SART1: variants seen among roughly 807,000 people sequenced by gnomAD.
The protein encoded by SART1 is U4/U6.U5 tri-snRNP-associated protein 1.
A neutral mutation model predicts 105.0 loss-of-function variants in SART1; 28 were observed. The ratio of observed to expected loss-of-function variants is 0.27; its 90% CI spans 0.20 to 0.37. The LOEUF (loss-of-function observed/expected upper bound fraction) is 0.37. Among genes scored for constraint, SART1 ranks in the 10% least tolerant of loss-of-function variants. The pLI is 1.00. For synonymous variants in SART1, 472 were observed against 462.9 expected (o/e 1.02, Z -0.25); for missense variants, 894 against 1,106.5 (o/e 0.81, Z 2.72).
chr11:65,964,092 G>C lies in SART1; in HGVS notation c.332G>C (p.Ser111Thr), dbSNP rs565978227. The change falls in exon 2 of 20, where the codon AGC becomes ACC. Residue 111 changes from serine to threonine, a missense_variant. Ser to Thr is a moderately conservative substitution (Grantham distance 58). Transcript: ENST00000312397. ...GYEAAASSKT[S>T]SGDASSLSIE... The stretch of plus-strand genomic sequence containing the variant: ...GTTCCAGCTGCCAGCTCCAAAACTA[G>C]CTCAGGCGATGCCTCCTCACTCAGC... 1 of 1,612,730 alleles carries C rather than the reference G, an allele frequency of 6.2e-7. No homozygotes were observed.
intron 9 of SART1, 55 bp from the exon 10 acceptor site, chr11:65,967,204 T>C (rs769161903): frequency 1.3e-6 from 2 of 1,596,428 alleles, no homozygotes; most frequent in East Asian, 2.2e-5. Context: ...CGAGGGCTTG[T>C]GGCGACCTGC....
At chr11:65,974,885 A>G (rs1435747313) in intron 12 of SART1, among the ~76,000 whole-genome samples, 1 of 149,026 alleles carries the variant, frequency 6.7e-6, no homozygotes, top group South Asian at 2.1e-4. Context: ...AAAAAATACA[A>G]AAAAATTAGC....
At chr11:65,964,947 A>G in intron 3 of SART1, 145 bp from the exon 4 acceptor site, 1 of 1,073,896 alleles carries the variant, frequency 9.3e-7, no homozygotes, top group Non-Finnish European at 1.3e-6. Flanking sequence ...GTGGGGACGA[A>G]GTGGGAGCAG....
chr11:65,967,323 T>C lies in SART1; in HGVS notation c.1253T>C (p.Val418Ala). The change falls in exon 10 of 20, where the codon GTG becomes GCG. Residue 418 changes from valine (V) to alanine (A), a missense_variant. Physicochemically the swap from Val to Ala is moderately conservative, Grantham distance 64. Transcript: ENST00000312397. ...CGCAAGAAGGAGAAGGAGGTAGTAG[T>C]GCGGGCAGATGACTTGCTGCCTCTC... Reference protein sequence around the residue: ...KIRKKEKEVVVRADDLLPLGD... With the variant: ...KIRKKEKEVVARADDLLPLGD... The C allele has an allele frequency of 1.2e-6, 2 of 1,613,740 alleles. No homozygotes were observed. Among genetic ancestry groups the C allele is most frequent in the South Asian group, 1.1e-5 (1 of 91,040 alleles).
Position 65,977,610 on chromosome 11 carries a change from A to G in SART1, c.1993A>G (p.Asn665Asp). 6.2e-7 allele frequency: 1 copy of G among 1,613,878 alleles called. No individual in the cohort carries two copies. Among genetic ancestry groups the G allele is most frequent in the Non-Finnish European group, 8.5e-7 (1 of 1,179,866 alleles). ...GAAGGTGGCCCGGGTGAAGGCCCCC[A>G]ACAAGTCGCTGCCCTCAGCCGTGTA... ...VQKVARVKAPNKSLPSAVYCI... is the reference protein window; with the variant it reads ...VQKVARVKAPDKSLPSAVYCI... The change falls in exon 16 of 20, where the codon AAC (asparagine) becomes GAC (aspartate). Residue 665 changes from asparagine to aspartate, a missense_variant. Asn to Asp is a conservative substitution (Grantham distance 23). Around this residue, in one of 2 missense-constraint regions of SART1, gnomAD observed 182 missense variants for 328.3 expected, o/e 0.55. Transcript: ENST00000312397.
chr11:65,970,278 C>T (rs1855346165), intron 12 of SART1, among the ~76,000 whole-genome samples: 1 of 152,154 alleles, frequency 6.6e-6, no homozygotes, highest in Non-Finnish European at 1.5e-5. Context: ...CTAACAAGCC[C>T]ATAAATGCTG....
At chr11:65,977,432 A>G (rs1391622310) in intron 15 of SART1, 131 bp from the exon 16 acceptor site, 1 of 745,266 alleles carries the variant, frequency 1.3e-6, no homozygotes, top group Non-Finnish European at 2.3e-6. Context: ...CTTTGCCTGT[A>G]GAACAGGCCT....
In SART1 at chr11:65,978,002, C is replaced by T; in HGVS notation, c.2172+103C>T. The T allele has an allele frequency of 7.7e-7, 1 of 1,293,988 alleles. No individual in the cohort carries two copies. Among genetic ancestry groups the T allele is most frequent in the Non-Finnish European group, 1.1e-6 (1 of 940,284 alleles). The allele number at this position is 1,293,988 out of a possible 1,614,324, so 80.2% of individuals were successfully genotyped here. On this transcript the variant is annotated intron_variant, in intron 17 of 19. Transcript: ENST00000312397. This position sits in a 1 kb window ranked among gnomAD's most constrained non-coding sequence, Gnocchi z 6.8. ...CATGCAATGCCCCAGGGTCCTGGCT[C>T]CACCAGCCTCTGGCTGGGGGCCTGG...
At position 65,976,614 on chromosome 11, in the gene SART1, G is replaced by A. The variant is rs1373326832; in HGVS notation, c.1747-42G>A. 1 of 1,613,420 alleles carries A rather than the reference G, an allele frequency of 6.2e-7. No homozygotes were observed. Among genetic ancestry groups the A allele is most frequent in the Admixed American group, 1.7e-5 (1 of 59,996 alleles). ...CCCTCTGCTTCCCTCGGCTGGGTGG[G>A]CTGGCTGGGGCCTGGGCCGACCCTG... On this transcript the variant is annotated intron_variant, in intron 13 of 19. Coordinates refer to ENST00000312397, the MANE Select transcript of SART1 (RefSeq NM_005146.5). This position sits in a 1 kb window ranked among gnomAD's most constrained non-coding sequence, Gnocchi z 5.1.
chr11:65,966,117 C>G lies in SART1; in HGVS notation c.880C>G (p.Leu294Val). ...EEEDVLVNVN[L>V]VDKERAEKNV... ...GGAGGACGTGCTGGTGAACGTGAAC[C>G]TGGTGGATAAGGAGCGGGCAGAGAA... Residue 294 changes from leucine to valine, a missense_variant, in exon 8 of 20, where the codon CTG (leucine) becomes GTG (valine). By Grantham distance (32) the Leu-to-Val change is conservative (BLOSUM62 1). Coordinates refer to ENST00000312397, the MANE Select transcript of SART1 (RefSeq NM_005146.5). 1 of 1,613,990 alleles carries G rather than the reference C, an allele frequency of 6.2e-7. No homozygotes were observed.
In SART1 at chr11:65,961,868, C is replaced by G; in HGVS notation, c.88C>G (p.Pro30Ala). Residue 30 changes from proline (P) to alanine (A), a missense_variant, in exon 1 of 20, where the codon CCG becomes GCG. Coordinates refer to ENST00000312397, the MANE Select transcript of SART1 (RefSeq NM_005146.5). ...CACCGGGGGTGCCACCGAGCAGCCG[C>G]CGCGGCACCGGGAACACAAAAAACA... is the stretch of plus-strand genomic sequence containing the variant. ...AGTGGATEQP[P>A]RHREHKKHKH... 1 of 1,574,426 alleles carries G rather than the reference C, an allele frequency of 6.4e-7. No individual in the cohort carries two copies. The highest frequency in any genetic ancestry group is 8.6e-7 in the Non-Finnish European group (1 of 1,161,824).
At chr11:65,964,658 C>A in intron 3 of SART1, 88 bp downstream of exon 3, 1 of 1,335,228 alleles carries the variant, frequency 7.5e-7, no homozygotes, top group South Asian at 1.3e-5. Flanking sequence ...GCAGGTTCAG[C>A]ACTGTTTAGT....
intron 12 of SART1, among the ~76,000 whole-genome samples, chr11:65,971,963 A>G (rs111291053): frequency 6.6e-6 from 1 of 151,954 alleles, no homozygotes; most frequent in Admixed American, 6.6e-5. Context: ...TCACTTTGTC[A>G]CCCAGGCTGG....
rs760002035 is a variant in SART1, at chr11:65,978,573, A to G, written c.2173-27A>G. 6.4e-6 allele frequency: 10 copies of G among 1,550,948 alleles called. No individual in the cohort carries two copies. The highest frequency in any genetic ancestry group is 8.7e-6 in the Non-Finnish European group (10 of 1,147,144). On this transcript the variant is annotated intron_variant, in intron 17 of 19. Coordinates refer to ENST00000312397, the MANE Select transcript of SART1 (RefSeq NM_005146.5). The surrounding 1 kb of genome is among the most constrained non-coding windows in gnomAD (Gnocchi z 6.8). ...GCTCCGGCCCCACCCAGGGCCCTGC[A>G]TCTCCTCTCATGCCCCGCGTCCCCA... is the stretch of plus-strand genomic sequence containing the variant.
chr11:65,970,794 GGGAGGGGGATGGTGGGATTCATGAGCTGA>G (rs1240270825), intron 12 of SART1, among the ~76,000 whole-genome samples: 5 of 90,820 alleles, frequency 5.5e-5, no homozygotes, highest in Admixed American at 1.1e-4. Flanking sequence ...GAGCTGCTGA[GGGAGGGGGATGGTGGGATTCATGAGCTGA>G]GGAGGGGGAT....
rs72928843 is a variant in SART1, at chr11:65,976,039, G to A, written c.1573-356G>A. Among the ~76,000 whole-genome samples, 6,709 of 152,172 alleles carry A rather than the reference G, an allele frequency of 0.044. 230 individuals carry two copies. Among genetic ancestry groups the A allele is most frequent in the East Asian group, 0.15 (792 of 5,154 alleles). Reference sequence around the variant, plus strand: ...AAGTGCTGTCTAGAGTCCTGAAACCGGAGTTTGTCGGGGGAGGGGCAGGTG... The same window carrying A: ...AAGTGCTGTCTAGAGTCCTGAAACCAGAGTTTGTCGGGGGAGGGGCAGGTG... On this transcript the variant is annotated intron_variant, in intron 12 of 19. Coordinates refer to ENST00000312397, the MANE Select transcript of SART1 (RefSeq NM_005146.5). This position sits in a 1 kb window ranked among gnomAD's most constrained non-coding sequence, Gnocchi z 5.1.
At chr11:65,965,254 C>G (rs752827451) in intron 4 of SART1, 36 bp downstream of exon 4, 10 of 1,609,218 alleles carry the variant, frequency 6.2e-6, no homozygotes, top group Non-Finnish European at 8.5e-6. Context: ...AAGGGAAGGG[C>G]TGGGGAGGCC....
chr11:65,967,838 G>A lies in SART1; in HGVS notation c.1572+17G>A. The A allele has an allele frequency of 6.7e-7, 1 of 1,496,892 alleles. No homozygotes were observed. The highest frequency in any genetic ancestry group is 8.9e-7 in the Non-Finnish European group (1 of 1,120,906). 92.7% of individuals were successfully genotyped at this position (1,496,892 alleles called of 1,614,324 possible). On this transcript the variant is annotated intron_variant, in intron 12 of 19. Coordinates refer to ENST00000312397, the MANE Select transcript of SART1 (RefSeq NM_005146.5). ...GGCGAGAAGGTGAGGCTGGGCATGG[G>A]CAGGGTGACTGCGTCAGCAGTCACC...
chr11:65,976,300 T>G lies in SART1; in HGVS notation c.1573-95T>G, dbSNP rs1855479676. On this transcript the variant is annotated intron_variant, in intron 12 of 19. Coordinates refer to ENST00000312397, the MANE Select transcript of SART1 (RefSeq NM_005146.5). This position sits in a 1 kb window ranked among gnomAD's most constrained non-coding sequence, Gnocchi z 5.1. ...CTGCATGGGCTGTGGGCGTGGCCTG[T>G]CTGGCTGCTGCCAGGGAGGACCCTT... The G allele has an allele frequency of 7.4e-7, 1 of 1,343,622 alleles. No individual in the cohort carries two copies. Among genetic ancestry groups the G allele is most frequent in the Non-Finnish European group, 9.9e-7 (1 of 1,011,276 alleles). The allele number at this position is 1,343,622 out of a possible 1,614,324, so 83.2% of individuals were successfully genotyped here.
Sources: gnomAD v4.1 joint callset for allele counts (sites outside exome capture counted in the v4.1 genomes callset) on GRCh38, gnomAD v4.1.1 for gene constraint, gnomAD v4.1.1 regional missense constraint, Gnocchi (gnomAD v3.1) non-coding constraint, MANE v1.5 for transcripts, NCBI Gene and HGNC (gene_info 2026-07-23, HGNC 2026-07-21) for gene names.